Variants in SIRT1 observed in about 807,000 individuals in gnomAD.
The protein encoded by SIRT1 is sirtuin 1.
SIRT1 carries 24 observed loss-of-function variants against 67.9 expected under a neutral mutation model. That is an observed-to-expected ratio of 0.35 (90% CI 0.26 to 0.50). The LOEUF (loss-of-function observed/expected upper bound fraction) is 0.50. SIRT1 is among the 20% of genes least tolerant of loss of function. The pLI is 0.98. For synonymous variants in SIRT1, 378 were observed against 350.7 expected (o/e 1.08, Z -0.87); for missense variants, 873 against 937.2 (o/e 0.93, Z 0.89).
chr10:67,890,367 T>C (rs1174344748), intron 3 of SIRT1, among the ~76,000 whole-genome samples: 1 of 152,174 alleles, frequency 6.6e-6, no homozygotes, highest in Non-Finnish European at 1.5e-5. Flanking sequence ...CATTGTTTTT[T>C]TTAATGAAAA....
At chr10:67,886,222 T>C (rs933302018) in intron 1 of SIRT1, among the ~76,000 whole-genome samples, 3 of 151,970 alleles carry the variant, frequency 2.0e-5, no homozygotes, top group Non-Finnish European at 2.9e-5. Context: ...ATTACAGGCG[T>C]GAGCCACCGC....
chr10:67,889,176 T>C, intron 3 of SIRT1, 53 bp downstream of exon 3: 1 of 1,503,496 alleles, frequency 6.7e-7, no homozygotes, highest in Non-Finnish European at 8.8e-7. Flanking sequence ...TTATGCCTTT[T>C]CCAAGTAGGA....
At chr10:67,887,624 T>A (rs1211784008) in intron 2 of SIRT1, 91 bp downstream of exon 2, 4 of 787,080 alleles carry the variant, frequency 5.1e-6, no homozygotes, top group Non-Finnish European at 8.4e-6. Context: ...TTGCGGAGGC[T>A]GGAGTGCAAT....
At position 67,896,665 on chromosome 10, in the gene SIRT1, C is replaced by T. The variant is rs1842662881; in HGVS notation, c.942+5111C>T. ...CAAAAATTAGCCGGGTGTGGTGACA[C>T]ACATGAGAATCACTTGAACTCAGGA... On this transcript the variant is annotated intron_variant, in intron 4 of 8. Coordinates refer to ENST00000212015, the MANE Select transcript of SIRT1 (RefSeq NM_012238.5). Among the ~76,000 whole-genome samples the T allele has an allele frequency of 4.1e-5, 6 of 145,430 alleles. No individual in the cohort carries two copies. In the South Asian group the frequency reaches 1.1e-3, roughly 27 times the overall value.
rs558728860 is a variant in SIRT1 at position 67,894,533 on chromosome 10, C to T, written c.942+2979C>T. Reference sequence around the variant, plus strand: ...TGGCATTTATAAAATCTCCACGTAGCGCAGACATTGACACTATCAGAAGAC... The same window carrying T: ...TGGCATTTATAAAATCTCCACGTAGTGCAGACATTGACACTATCAGAAGAC... On this transcript the variant is annotated intron_variant, in intron 4 of 8. Transcript: ENST00000212015. 2.2e-4 allele frequency among the ~76,000 whole-genome samples: 33 copies of T among 152,118 alleles called. 1 individual carries two copies. The highest frequency in any genetic ancestry group is 2.6e-4 in the Admixed American group (4 of 15,266).
rs190121724 is a variant in SIRT1, at chr10:67,884,745, C to T, written c.24C>T (p.Ala8=). The T allele has an allele frequency of 4.9e-6, 6 of 1,228,992 alleles. No homozygotes were observed. Among genetic ancestry groups the T allele is most frequent in the African/African-American group, 3.1e-5 (2 of 64,242 alleles). 76.1% of individuals were successfully genotyped at this position (1,228,992 alleles called of 1,614,324 possible). The change falls in exon 1 of 9, where the codon GCC becomes GCT. Residue 8 remains alanine, a synonymous_variant. Transcript: ENST00000212015. The part of the protein sequence containing the change: MADEAAL[A]LQPGGSPSAA... Reference sequence around the variant, plus strand: ...AGATGGCGGACGAGGCGGCCCTCGCCCTTCAGCCCGGCGGCTCCCCCTCGG... The same window carrying T: ...AGATGGCGGACGAGGCGGCCCTCGCTCTTCAGCCCGGCGGCTCCCCCTCGG...
At chr10:67,909,176 G>A (rs1842863539) in intron 6 of SIRT1, 80 bp from the exon 7 acceptor site, 4 of 881,982 alleles carry the variant, frequency 4.5e-6, no homozygotes, top group Middle Eastern at 2.3e-4. Context: ...TGTATTCTTA[G>A]AGGTATGGAA....
At chr10:67,900,790 TTTGTATATCC>T (rs1273426716) in intron 4 of SIRT1, among the ~76,000 whole-genome samples, 6 of 152,214 alleles carry the variant, frequency 3.9e-5, no homozygotes, top group Admixed American at 3.9e-4. Context: ...CTACTGGCCG[TTTGTATATCC>T]TTGAATTACC....
At chr10:67,895,328 G>A (rs972330624) in intron 4 of SIRT1, among the ~76,000 whole-genome samples, 4 of 152,094 alleles carry the variant, frequency 2.6e-5, no homozygotes, top group African/African-American at 9.7e-5. Context: ...AGGCTGAGAC[G>A]GGGAGAATTG....
At chr10:67,899,805 C>T (rs932270606) in intron 4 of SIRT1, among the ~76,000 whole-genome samples, 3 of 151,928 alleles carry the variant, frequency 2.0e-5, no homozygotes, top group African/African-American at 7.3e-5. Flanking sequence ...GTAAAAGAGG[C>T]CAGGTGCGGT....
intron 1 of SIRT1, 179 bp downstream of exon 1, chr10:67,885,330 G>GC: frequency 8.1e-7 from 1 of 1,239,642 alleles, no homozygotes; most frequent in Admixed American, 4.2e-5. Context: ...TGCGCGAGCT[G>GC]CCAGTGGATT....
chr10:67,895,730 C>CTTTTT (rs1564886152), intron 4 of SIRT1, among the ~76,000 whole-genome samples: 2 of 94,036 alleles, frequency 2.1e-5, no homozygotes, highest in Admixed American at 1.3e-4. Context: ...TGAGAATTAA[C>CTTTTT]TTGTTTTTTT....
At chr10:67,898,518 G>C (rs1488722748) in intron 4 of SIRT1, among the ~76,000 whole-genome samples, 1 of 152,090 alleles carries the variant, frequency 6.6e-6, no homozygotes, top group African/African-American at 2.4e-5. Flanking sequence ...TTGAGTTCTA[G>C]AACAAGCTTA....
At chr10:67,907,292 C>T (rs1178801407) in intron 5 of SIRT1, among the ~76,000 whole-genome samples, 3 of 151,930 alleles carry the variant, frequency 2.0e-5, no homozygotes, top group Admixed American at 1.3e-4. Flanking sequence ...GCCAAGAGTT[C>T]GAGAACAGCT....
Position 67,917,106 on chromosome 10 carries a change from G to A in SIRT1, c.*513G>A, listed in dbSNP as rs544488472. 1.4e-4 allele frequency: 22 copies of A among 152,656 alleles called. No individual in the cohort carries two copies. The highest frequency in any genetic ancestry group is 1.2e-3 in the Admixed American group (18 of 15,286). 9.5% of individuals were successfully genotyped at this position (152,656 alleles called of 1,614,324 possible). A position where few individuals can be genotyped will look rare whatever the true frequency, so the allele number is the denominator to read the frequency against. ...TTAACACAATTATTTTTAAACACTG[G>A]CATTTTCCAAAACTGTGGCAGCTAA... On this transcript the variant is annotated 3_prime_UTR_variant, in exon 9 of 9. Transcript: ENST00000212015.
chr10:67,914,712 T>G (rs920787676), intron 8 of SIRT1, among the ~76,000 whole-genome samples: 2 of 151,948 alleles, frequency 1.3e-5, no homozygotes, highest in African/African-American at 4.8e-5. Context: ...TTTTTTAAAT[T>G]TATTTATTTT....
At chr10:67,887,112 TC>T (rs376333172) in intron 1 of SIRT1, among the ~76,000 whole-genome samples, 14,712 of 152,222 alleles carry the variant, frequency 0.097, 903 homozygotes, top group South Asian at 0.18. Flanking sequence ...CCTCAGGTGA[TC>T]CGCCTGCCTC....
At chr10:67,909,776 T>C (rs1244046912) in intron 7 of SIRT1, among the ~76,000 whole-genome samples, 2 of 152,072 alleles carry the variant, frequency 1.3e-5, no homozygotes, top group South Asian at 2.1e-4. Context: ...GGTTTCACCA[T>C]GTTGGCCAGG....
At chr10:67,899,005 C>T (rs1392783679) in intron 4 of SIRT1, among the ~76,000 whole-genome samples, 1 of 152,074 alleles carries the variant, frequency 6.6e-6, no homozygotes, top group Non-Finnish European at 1.5e-5. Context: ...AGTGTTGCTA[C>T]AGTTGTCCTT....
Sources: gnomAD v4.1 joint callset for allele counts (sites outside exome capture counted in the v4.1 genomes callset) on GRCh38, gnomAD v4.1.1 for gene constraint, MANE v1.5 for transcripts, NCBI Gene and HGNC (gene_info 2026-07-23, HGNC 2026-07-21) for gene names.